Variants in MSH4 observed in about 807,000 individuals in gnomAD.
The protein encoded by MSH4 is mutS protein homolog 4.
In MSH4, 106 loss-of-function variants were observed where a neutral mutation model predicts 113.7. The observed-to-expected ratio is 0.93, with a 90% CI of 0.80 to 1.10. MSH4 has a LOEUF of 1.10. Among genes scored for constraint, MSH4 ranks in the 50% least tolerant of loss-of-function variants. The pLI is 0.00. For missense variants in MSH4, 1,061 were observed against 1,093.7 expected (o/e 0.97, Z 0.42); for synonymous variants, 368 against 380.2 (o/e 0.97, Z 0.37).
chr1:75,892,121 C>G (rs1291956450), intron 17 of MSH4, among the ~76,000 whole-genome samples: 1 of 152,160 alleles, frequency 6.6e-6, no homozygotes, highest in African/African-American at 2.4e-5. Context: ...GAACAAAAAG[C>G]CTTCCAATGA....
At position 75,803,741 on chromosome 1, in the gene MSH4, T is replaced by G. The variant is rs758096456; in HGVS notation, c.255T>G (p.Phe85Leu). 1 of 1,570,918 alleles carries G rather than the reference T, an allele frequency of 6.4e-7. No individual in the cohort carries two copies. Among genetic ancestry groups the G allele is most frequent in the East Asian group, 2.3e-5 (1 of 43,352 alleles). ...PNSRPAQGSYFGNKRAYAENT... is the reference protein window; with the variant it reads ...PNSRPAQGSYLGNKRAYAENT... ...ATTTTTCAAATTTAGGTTCATACTT[T>G]GGAAACAAAAGAGCTTATGCAGAAA... is the stretch of plus-strand genomic sequence containing the variant. The change falls in exon 2 of 20, where the codon TTT (phenylalanine) becomes TTG (leucine). Residue 85 changes from phenylalanine to leucine, a missense_variant. Phe to Leu is a conservative substitution (Grantham distance 22). Transcript: ENST00000263187.
At chr1:75,819,608 G>A (rs987902880) in intron 6 of MSH4, among the ~76,000 whole-genome samples, 23 of 152,302 alleles carry the variant, frequency 1.5e-4, no homozygotes, top group Admixed American at 4.6e-4. Flanking sequence ...AATACCATAA[G>A]GGCTCAAAAA....
chr1:75,802,430 G>A (rs924610303), intron 1 of MSH4, among the ~76,000 whole-genome samples: 1 of 152,188 alleles, frequency 6.6e-6, no homozygotes, highest in Non-Finnish European at 1.5e-5. Context: ...GAGAATTCAA[G>A]ATAGAGAGTT....
intron 17 of MSH4, among the ~76,000 whole-genome samples, chr1:75,896,488 C>T (rs1247340182): frequency 6.6e-6 from 1 of 151,306 alleles, no homozygotes; most frequent in Non-Finnish European, 1.5e-5. Context: ...ACTCTTTTTG[C>T]CCAGGCTGGA....
chr1:75,822,562 A>AT lies in MSH4; in HGVS notation c.1149dup (p.Gly384TrpfsTer11). 6.6e-7 allele frequency: 1 copy of AT among 1,524,360 alleles called. No homozygotes were observed. The highest frequency in any genetic ancestry group is 8.7e-7 in the Non-Finnish European group (1 of 1,143,078). The allele number at this position is 1,524,360 out of a possible 1,614,324, so 94.4% of individuals were successfully genotyped here. A position where few individuals can be genotyped will look rare whatever the true frequency, so the allele number is the denominator to read the frequency against. ...AAGAACTACTTCAAGATGAGGAACT[A>AT]TTTTTTGGACTTCAATCAGGTAAAT... On this transcript the variant is annotated frameshift_variant, in exon 7 of 20. Coordinates refer to ENST00000263187, the MANE Select transcript of MSH4 (RefSeq NM_002440.4). LOFTEE classifies it high-confidence loss of function.
intron 9 of MSH4, among the ~76,000 whole-genome samples, chr1:75,870,169 G>C (rs892075563): frequency 6.6e-6 from 1 of 152,194 alleles, no homozygotes; most frequent in African/African-American, 2.4e-5. Context: ...CTTGCGTGGG[G>C]CCTGTAGCCC....
intron 8 of MSH4, among the ~76,000 whole-genome samples, chr1:75,856,717 T>TTGCTATTGTGAATAG (rs1221790441): frequency 6.6e-5 from 10 of 152,224 alleles, no homozygotes; most frequent in African/African-American, 2.2e-4. Flanking sequence ...TTCCAAGTCT[T>TTGCTATTGTGAATAG]TGCTATTGTG....
intron 18 of MSH4, 47 bp from the exon 19 acceptor site, chr1:75,899,571 G>A: frequency 3.7e-6 from 4 of 1,088,570 alleles, no homozygotes; most frequent in Non-Finnish European, 5.2e-6. Context: ...GCATAAAAAT[G>A]CCAGCAGTAA....
chr1:75,853,453 A>G (rs190357722), intron 8 of MSH4, among the ~76,000 whole-genome samples: 113 of 152,254 alleles, frequency 7.4e-4, no homozygotes, highest in African/African-American at 2.7e-3. Context: ...GCATCTTCTT[A>G]TATGGCACAC....
At chr1:75,850,071 AT>A (rs1053263030) in intron 8 of MSH4, among the ~76,000 whole-genome samples, 112 of 152,168 alleles carry the variant, frequency 7.4e-4, no homozygotes, top group African/African-American at 2.6e-3. Context: ...GTTTTTCTTA[AT>A]CAGCCTGGCT....
chr1:75,858,440 A>G (rs1036518696), intron 8 of MSH4, among the ~76,000 whole-genome samples: 3 of 152,192 alleles, frequency 2.0e-5, no homozygotes, highest in South Asian at 2.1e-4. Context: ...GATACATTCC[A>G]TTGATACCCA....
chr1:75,902,849 A>G (rs1349370374), intron 19 of MSH4, among the ~76,000 whole-genome samples: 1 of 149,904 alleles, frequency 6.7e-6, no homozygotes, highest in South Asian at 2.1e-4. Context: ...TGTTTTGCCA[A>G]TGTTTTAATT....
chr1:75,797,538 G>C (rs1649844115), intron 1 of MSH4, among the ~76,000 whole-genome samples: 1 of 152,220 alleles, frequency 6.6e-6, no homozygotes. Context: ...GTTGTGAGCT[G>C]ATCTTTGGCT....
intron 8 of MSH4, among the ~76,000 whole-genome samples, chr1:75,856,834 C>A (rs1034796853): frequency 6.6e-6 from 1 of 152,192 alleles, no homozygotes; most frequent in African/African-American, 2.4e-5. Flanking sequence ...AATGGTATTT[C>A]CAGTTCTAGA....
At chr1:75,832,660 A>C (rs909991918) in intron 7 of MSH4, among the ~76,000 whole-genome samples, 3 of 152,180 alleles carry the variant, frequency 2.0e-5, no homozygotes, top group Admixed American at 1.3e-4. Context: ...GTAATCCATC[A>C]CATAAACAGA....
intron 7 of MSH4, among the ~76,000 whole-genome samples, chr1:75,828,663 G>A (rs985692318): frequency 1.3e-5 from 2 of 152,164 alleles, no homozygotes; most frequent in Non-Finnish European, 2.9e-5. Flanking sequence ...TCCAAAAGGG[G>A]AGAGGAATGG....
chr1:75,887,148 G>A (rs1248985404), intron 15 of MSH4, among the ~76,000 whole-genome samples: 1 of 151,814 alleles, frequency 6.6e-6, no homozygotes, highest in Admixed American at 6.6e-5. Context: ...GTAATCCCAC[G>A]TGTCAAGGGA....
chr1:75,883,430 A>G (rs911121400), intron 14 of MSH4, among the ~76,000 whole-genome samples, 191 bp from the exon 15 acceptor site: 1 of 152,020 alleles, frequency 6.6e-6, no homozygotes, highest in Non-Finnish European at 1.5e-5. Context: ...AAGTTGTGAT[A>G]GTGATTAGAG....
At chr1:75,850,727 T>C (rs554588987) in intron 8 of MSH4, among the ~76,000 whole-genome samples, 1 of 152,228 alleles carries the variant, frequency 6.6e-6, no homozygotes, top group South Asian at 2.1e-4. Context: ...GTTTTTTTGT[T>C]TTGTTTTGTT....
Sources: gnomAD v4.1 joint callset for allele counts (sites outside exome capture counted in the v4.1 genomes callset) on GRCh38, gnomAD v4.1.1 for gene constraint, MANE v1.5 for transcripts, NCBI Gene and HGNC (gene_info 2026-07-23, HGNC 2026-07-21) for gene names.